VIL1: variants seen among roughly 807,000 people sequenced by gnomAD.
VIL1 encodes villin-1.
Under a neutral mutation model 104.0 loss-of-function variants are expected in VIL1, and 86 were observed. The observed-to-expected ratio is 0.83, with a 90% CI of 0.69 to 0.99. The LOEUF (loss-of-function observed/expected upper bound fraction) is 0.99. Ranked by LOEUF, VIL1 falls within the 50% of genes least tolerant of loss-of-function variation. The pLI is 0.00. For synonymous variants in VIL1, 394 were observed against 412.6 expected, an observed-to-expected ratio of 0.95 and a Z score of 0.55; for missense variants, 944 against 1,054.1, an observed-to-expected ratio of 0.90 and a Z score of 1.45.
chr2:218,437,214 G>A lies in VIL1; in HGVS notation c.2062G>A (p.Gly688Arg), dbSNP rs575325944. The A allele has an allele frequency of 1.9e-5, 30 of 1,614,170 alleles. No homozygotes were observed. The highest frequency in any genetic ancestry group is 5.3e-5 in the African/African-American group (4 of 75,034). ...GGAATACCTCAAGACCCATCCCAGCGGGCGTGACCCTGAGACCCCCATCAT... is the reference window on the plus strand; with the variant it reads ...GGAATACCTCAAGACCCATCCCAGCAGGCGTGACCCTGAGACCCCCATCAT... ...AQEYLKTHPS[G>R]RDPETPIIVV... Residue 688 changes from glycine (G) to arginine (R), a missense_variant, in exon 17 of 20, where the codon GGG becomes AGG. Coordinates refer to ENST00000248444, the MANE Select transcript of VIL1 (RefSeq NM_007127.3).
intron 1 of VIL1, among the ~76,000 whole-genome samples, chr2:218,423,041 G>A (rs1051511143): frequency 2.6e-5 from 4 of 152,212 alleles, no homozygotes; most frequent in East Asian, 1.9e-4. Flanking sequence ...GCATCAGCAC[G>A]TTCCGAAGCT....
intron 2 of VIL1, 128 bp from the exon 3 acceptor site, chr2:218,424,149 C>T (rs1418014170): frequency 2.5e-6 from 2 of 795,846 alleles, no homozygotes; most frequent in Non-Finnish European, 4.1e-6. Context: ...CTCCTCTCTT[C>T]CTTTTCTCTC....
At position 218,432,113 on chromosome 2, in the gene VIL1, G is replaced by A. The variant is rs1249249249; in HGVS notation, c.1271G>A (p.Gly424Asp). 1.9e-6 allele frequency: 3 copies of A among 1,613,750 alleles called. No homozygotes were observed. The highest frequency in any genetic ancestry group is 2.7e-5 in the African/African-American group (2 of 74,810). The change falls in exon 12 of 20, where the codon GGC becomes GAC. Residue 424 changes from glycine (G) to aspartate (D), a missense_variant. Transcript: ENST00000248444. ...DSKWLGHFYG[G>D]DCYLLLYTYL... is the part of the protein sequence containing the mutation. Reference sequence around the variant, plus strand: ...AAGTGGCTAGGCCACTTCTATGGGGGCGACTGCTACCTGCTGCTCTACACC... The same window carrying A: ...AAGTGGCTAGGCCACTTCTATGGGGACGACTGCTACCTGCTGCTCTACACC...
intron 19 of VIL1, among the ~76,000 whole-genome samples, chr2:218,444,577 C>T (rs977487935): frequency 5.9e-5 from 9 of 152,176 alleles, no homozygotes; most frequent in South Asian, 4.1e-4. Flanking sequence ...CGTGCCCGGC[C>T]GGCCTGTAGC....
At chr2:218,420,442 AAAAAAGAAAAGAAAAAAAG>A (rs1688882446) in intron 1 of VIL1, among the ~76,000 whole-genome samples, 3 of 149,452 alleles carry the variant, frequency 2.0e-5, no homozygotes, top group Admixed American at 2.0e-4. Context: ...AAAAAAAAAA[AAAAAAGAAAAGAAAAAAAG>A]AAAAAAGAAA....
intron 4 of VIL1, among the ~76,000 whole-genome samples, chr2:218,427,007 C>A (rs1689013279): frequency 6.6e-6 from 1 of 152,226 alleles, no homozygotes; most frequent in Non-Finnish European, 1.5e-5. Context: ...ACCTCAGCCT[C>A]CTGAAGTCCT....
At chr2:218,432,617 G>A (rs778776356) in intron 12 of VIL1, 176 bp from the exon 13 acceptor site, 8 of 930,300 alleles carry the variant, frequency 8.6e-6, no homozygotes, top group Non-Finnish European at 1.3e-5. Context: ...GTTGAGATCA[G>A]AACTGAGGTA....
intron 6 of VIL1, 28 bp from the exon 7 acceptor site, chr2:218,429,257 C>T (rs763328896): frequency 1.4e-5 from 23 of 1,595,490 alleles, no homozygotes; most frequent in East Asian, 8.9e-5. Flanking sequence ...CGACTACTCC[C>T]GATGGGTCAC....
In VIL1 at chr2:218,430,901, G is replaced by A. The variant is rs770619243; in HGVS notation, c.1102+23G>A. 20 of 1,601,252 alleles carry A rather than the reference G, an allele frequency of 1.2e-5. 1 individual carries two copies. The Middle Eastern group carries it at 1.6e-3, about 132-fold the overall frequency. On this transcript the variant is annotated intron_variant, in intron 10 of 19. Coordinates refer to ENST00000248444, the MANE Select transcript of VIL1 (RefSeq NM_007127.3). ...TGGGTGAGGGCCAGGCGGGGGCAGT[G>A]AGGGAGCCAGGATCCAGGAGCTGGG...
rs377766829 is a variant in VIL1 at position 218,435,286 on chromosome 2, T to C, written c.1681-3T>C. 77 of 1,612,436 alleles carry C rather than the reference T, an allele frequency of 4.8e-5. No homozygotes were observed. Among genetic ancestry groups the C allele is most frequent in the Middle Eastern group, 3.3e-4 (2 of 6,070 alleles). On this transcript the variant is annotated splice_polypyrimidine_tract_variant and splice_region_variant and intron_variant, in intron 14 of 19. Coordinates refer to ENST00000248444, the MANE Select transcript of VIL1 (RefSeq NM_007127.3). ...GAAATTAGCCAACTCTTTTTTTTCC[T>C]AGGGTTGTAGCGGGGACGAGCGGGA...
At position 218,434,706 on chromosome 2, in the gene VIL1, G is replaced by C; in HGVS notation, c.1680+1G>C. The C allele has an allele frequency of 1.2e-6, 2 of 1,611,760 alleles. No homozygotes were observed. The highest frequency in any genetic ancestry group is 1.7e-6 in the Non-Finnish European group (2 of 1,178,730). ...TTGCTGCTATCTATGGTGTGGGAAG[G>C]TGTGTTCAGGGTCTAGAGGCCTCCC... On this transcript the variant is annotated splice_donor_variant, in intron 14 of 19. Coordinates refer to ENST00000248444, the MANE Select transcript of VIL1 (RefSeq NM_007127.3). LOFTEE classifies it high-confidence loss of function.
chr2:218,435,177 A>T (rs561259578), intron 14 of VIL1, 112 bp from the exon 15 acceptor site: 1 of 1,439,506 alleles, frequency 6.9e-7, no homozygotes, highest in East Asian at 2.3e-5. Flanking sequence ...TGTATACACA[A>T]GGTCCTGACC....
rs1430807796 is a variant in VIL1 at position 218,452,314 on chromosome 2, A to G, written c.*2978A>G. ...ATCTAACTTGTCCCTTCCTGGCCCC[A>G]ACATGCTAACTGCCCCATCCCCAAT... On this transcript the variant is annotated 3_prime_UTR_variant, in exon 20 of 20. Transcript: ENST00000248444. 1 of 152,202 alleles carries G rather than the reference A, an allele frequency of 6.6e-6. No individual in the cohort carries two copies. The highest frequency in any genetic ancestry group is 1.5e-5 in the Non-Finnish European group (1 of 68,038). The allele number at this position is 152,202 out of a possible 1,614,324, so 9.4% of individuals were successfully genotyped here.
At chr2:218,425,947 C>G (rs1688973560) in intron 4 of VIL1, 136 bp downstream of exon 4, 1 of 946,800 alleles carries the variant, frequency 1.1e-6, no homozygotes, top group Non-Finnish European at 1.5e-6. Context: ...GGGAGGTGAC[C>G]TGGGGCGGGG....
At chr2:218,435,551 C>T (rs772686455) in intron 15 of VIL1, 117 bp downstream of exon 15, 21 of 1,361,050 alleles carry the variant, frequency 1.5e-5, no homozygotes, top group Admixed American at 5.4e-5. Flanking sequence ...GTGTCAGGCA[C>T]TGTGCCAGAC....
At chr2:218,439,702 A>G (rs1456252296) in intron 18 of VIL1, among the ~76,000 whole-genome samples, 1 of 151,768 alleles carries the variant, frequency 6.6e-6, no homozygotes, top group African/African-American at 2.4e-5. Flanking sequence ...TTGTGGTCCC[A>G]GCTACTCAGG....
chr2:218,440,270 T>C (rs1032396512), intron 18 of VIL1, among the ~76,000 whole-genome samples: 7 of 151,876 alleles, frequency 4.6e-5, no homozygotes, highest in African/African-American at 1.5e-4. Context: ...CTAAGCTCTA[T>C]GTTGTTGTTG....
intron 10 of VIL1, among the ~76,000 whole-genome samples, chr2:218,431,420 C>T (rs532986434): frequency 1.3e-5 from 2 of 151,762 alleles, no homozygotes; most frequent in South Asian, 4.2e-4. Context: ...GGGGTTGGGC[C>T]TCCCTGAAAA....
At position 218,432,898 on chromosome 2, in the gene VIL1, A is replaced by C; in HGVS notation, c.1447A>C (p.Lys483Gln). The change falls in exon 13 of 20, where the codon AAG (lysine) becomes CAG (glutamine). Residue 483 changes from lysine (K) to glutamine (Q), a missense_variant. Lys to Gln is a moderately conservative substitution (Grantham distance 53). Coordinates refer to ENST00000248444, the MANE Select transcript of VIL1 (RefSeq NM_007127.3). ...EPVQIRVPMG[K>Q]EPPHLMSIFK... ...AGTCCAGATCCGGGTCCCAATGGGC[A>C]AGGAGCCACCTCATCTTATGTCCAT... 6.2e-7 allele frequency: 1 copy of C among 1,614,228 alleles called. No individual in the cohort carries two copies. The highest frequency in any genetic ancestry group is 8.5e-7 in the Non-Finnish European group (1 of 1,180,036).
Sources: gnomAD v4.1 joint callset for allele counts (sites outside exome capture counted in the v4.1 genomes callset) on GRCh38, gnomAD v4.1.1 for gene constraint, MANE v1.5 for transcripts, NCBI Gene and HGNC (gene_info 2026-07-23, HGNC 2026-07-21) for gene names.